Variants in KCNIP4 observed in about 807,000 individuals in gnomAD.
KCNIP4 encodes potassium voltage-gated channel interacting protein 4, also known as Kv channel-interacting protein 4.
Under a neutral mutation model 34.0 loss-of-function variants are expected in KCNIP4, and 12 were observed. The observed-to-expected ratio is 0.35, with a 90% CI of 0.23 to 0.57. The LOEUF (loss-of-function observed/expected upper bound fraction) is 0.57, where lower values mean the gene tolerates loss of function less well. KCNIP4 is among the 20% of genes least tolerant of loss of function. The pLI, the probability that KCNIP4 is intolerant of heterozygous loss-of-function variation, is 0.83. For synonymous variants in KCNIP4, 124 were observed against 102.2 expected, an observed-to-expected ratio of 1.21 and a Z score of -1.29; for missense variants, 238 against 311.7, an observed-to-expected ratio of 0.76 and a Z score of 1.78.
chr4:21,102,492 CAT>C (rs1350375764), intron 1 of KCNIP4, among the ~76,000 whole-genome samples: 1 of 152,098 alleles, frequency 6.6e-6, no homozygotes, highest in Non-Finnish European at 1.5e-5. Flanking sequence ...GTCCCATTGA[CAT>C]AGAACCATCT....
intron 1 of KCNIP4, among the ~76,000 whole-genome samples, chr4:21,190,137 C>A (rs1435117505): frequency 1.3e-5 from 2 of 152,186 alleles, no homozygotes; most frequent in African/African-American, 4.8e-5. Context: ...TCCCAAACTG[C>A]AATTCTTTGG....
chr4:21,000,301 T>C (rs1738002779), intron 1 of KCNIP4, among the ~76,000 whole-genome samples: 1 of 151,932 alleles, frequency 6.6e-6, no homozygotes. Context: ...CCATATTCTA[T>C]TCTACAGAAA....
At chr4:21,102,452 C>A (rs1748033927) in intron 1 of KCNIP4, among the ~76,000 whole-genome samples, 1 of 152,082 alleles carries the variant, frequency 6.6e-6, no homozygotes, top group Non-Finnish European at 1.5e-5. Context: ...ATGAGGCCAG[C>A]CTTGGACATA....
At chr4:21,872,463 G>A (rs944247554) in intron 1 of KCNIP4, among the ~76,000 whole-genome samples, 2 of 152,164 alleles carry the variant, frequency 1.3e-5, no homozygotes, top group South Asian at 2.1e-4. Flanking sequence ...GCGTTTTGAC[G>A]ATTGTAGGTA....
At chr4:21,326,096 A>G (rs1715008173) in intron 1 of KCNIP4, among the ~76,000 whole-genome samples, 1 of 151,856 alleles carries the variant, frequency 6.6e-6, no homozygotes. Context: ...TTCTGTAAAT[A>G]TCTAAGGTTC....
At chr4:21,476,475 G>C (rs981495085) in intron 1 of KCNIP4, among the ~76,000 whole-genome samples, 1 of 152,074 alleles carries the variant, frequency 6.6e-6, no homozygotes, top group Non-Finnish European at 1.5e-5. Context: ...CTCCCCTAAG[G>C]CCCCATGTGA....
At chr4:21,245,493 G>A (rs985883026) in intron 1 of KCNIP4, among the ~76,000 whole-genome samples, 3 of 152,098 alleles carry the variant, frequency 2.0e-5, no homozygotes, top group Non-Finnish European at 4.4e-5. Flanking sequence ...TGTATTTTGT[G>A]CTTCTGCTGT....
chr4:20,862,917 A>G (rs780628841), intron 2 of KCNIP4, among the ~76,000 whole-genome samples: 1 of 152,184 alleles, frequency 6.6e-6, no homozygotes, highest in Non-Finnish European at 1.5e-5. Context: ...GAGCTAAAAT[A>G]TAAGAACACA....
At chr4:20,959,151 C>T (rs1733609849) in intron 1 of KCNIP4, among the ~76,000 whole-genome samples, 1 of 152,200 alleles carries the variant, frequency 6.6e-6, no homozygotes, top group South Asian at 2.1e-4. Context: ...ACTAAGGCTG[C>T]TATCCAAGAG....
chr4:21,042,282 A>G (rs1175818898), intron 1 of KCNIP4, among the ~76,000 whole-genome samples: 1 of 152,218 alleles, frequency 6.6e-6, no homozygotes, highest in East Asian at 1.9e-4. Flanking sequence ...TATGGAATCA[A>G]CCTAAGTGTC....
chr4:21,591,739 TTA>T lies in KCNIP4; in HGVS notation c.61+356830_61+356831del, dbSNP rs567871606. Among the ~76,000 whole-genome samples, 191 of 152,238 alleles carry T rather than the reference TTA, an allele frequency of 1.3e-3. 2 individuals are homozygous for T. Among genetic ancestry groups the T allele is most frequent in the Admixed American group, 1.9e-3 (29 of 15,278 alleles). On this transcript the variant is annotated intron_variant, in intron 1 of 8. Transcript: ENST00000382152. ...GTCTTGATTTTACCTTTAAAAACCT[TTA>T]TCTTTTAATACTTGCAAGTGTGCAA... is the stretch of plus-strand genomic sequence containing the variant.
chr4:21,116,989 G>A (rs1749729629), intron 1 of KCNIP4, among the ~76,000 whole-genome samples: 1 of 152,040 alleles, frequency 6.6e-6, no homozygotes, highest in South Asian at 2.1e-4. Context: ...TACAAATACA[G>A]CTACCATCAT....
chr4:21,125,019 T>C (rs1393104246), intron 1 of KCNIP4, among the ~76,000 whole-genome samples: 1 of 151,084 alleles, frequency 6.6e-6, no homozygotes, highest in African/African-American at 2.4e-5. Flanking sequence ...AGACAGTGGC[T>C]TCATAAGTCC....
intron 1 of KCNIP4, among the ~76,000 whole-genome samples, chr4:21,918,821 T>C (rs1376707568): frequency 6.6e-6 from 1 of 152,124 alleles, no homozygotes; most frequent in Admixed American, 6.5e-5. Context: ...GGAAGCCTAT[T>C]AAGTATGTGA....
Position 21,207,123 on chromosome 4 carries a change from T to C in KCNIP4, c.62-324414A>G, listed in dbSNP as rs565921091. Among the ~76,000 whole-genome samples the C allele has an allele frequency of 7.9e-5, 12 of 151,968 alleles. No individual in the cohort carries two copies. The East Asian group carries it at 2.3e-3, about 29-fold the overall frequency. On this transcript the variant is annotated intron_variant, in intron 1 of 8. Coordinates refer to ENST00000382152, the MANE Select transcript of KCNIP4 (RefSeq NM_025221.6). ...GTTATTGGCAGCATATATAAAATTA[T>C]CTTGAATTTTACAGAAAGAAGAGAA...
rs1189437960 is a variant in KCNIP4 at position 21,234,210 on chromosome 4, G to GTATATTATATATAACATATATAACA, written c.62-351526_62-351502dup. Among the ~76,000 whole-genome samples the GTATATTATATATAACATATATAACA allele has an allele frequency of 2.5e-4, 8 of 31,486 alleles. 2 individuals are homozygous for GTATATTATATATAACATATATAACA. In the Admixed American group the frequency reaches 2.8e-3, roughly 11 times the overall value. The allele number at this position is 31,486 out of a possible 152,430, so 20.7% of individuals were successfully genotyped here. A position where few individuals can be genotyped will look rare whatever the true frequency, so the allele number is the denominator to read the frequency against. On this transcript the variant is annotated intron_variant, in intron 1 of 8. Transcript: ENST00000382152. ...GTATATTATATATAACATATATAAC[G>GTATATTATATATAACATATATAACA]TATATTATATATAACATATATAACA... is the stretch of plus-strand genomic sequence containing the variant.
At chr4:21,585,282 A>T (rs1741526583) in intron 1 of KCNIP4, among the ~76,000 whole-genome samples, 2 of 152,006 alleles carry the variant, frequency 1.3e-5, no homozygotes, top group Admixed American at 6.6e-5. Context: ...AAGTCGGTAG[A>T]GACCTGGCCT....
intron 1 of KCNIP4, among the ~76,000 whole-genome samples, chr4:21,757,879 G>T (rs1236322791): frequency 6.6e-6 from 1 of 152,114 alleles, no homozygotes; most frequent in Non-Finnish European, 1.5e-5. Context: ...CTGAGTATTG[G>T]GTGTAAGAGT....
At chr4:21,341,261 G>C (rs148884286) in intron 1 of KCNIP4, among the ~76,000 whole-genome samples, 3 of 152,162 alleles carry the variant, frequency 2.0e-5, no homozygotes, top group African/African-American at 7.2e-5. Context: ...CTATGACAGA[G>C]TATATTTATT....
Sources: allele counts gnomAD v4.1 joint callset (sites outside exome capture counted in the v4.1 genomes callset), GRCh38; gene constraint gnomAD v4.1.1; transcripts MANE v1.5; gene names NCBI Gene and HGNC (gene_info 2026-07-23, HGNC 2026-07-21).